SLC25A25: variants seen among roughly 807,000 people sequenced by gnomAD.
SLC25A25 encodes solute carrier family 25 member 25, also known as mitochondrial adenyl nucleotide antiporter SLC25A25.
A neutral mutation model predicts 57.7 loss-of-function variants in SLC25A25; 32 were observed. That is an observed-to-expected ratio of 0.55 (90% confidence interval 0.42 to 0.74). SLC25A25 has a LOEUF of 0.74. SLC25A25 is among the 30% of genes least tolerant of loss of function. The pLI is 0.00. For missense variants in SLC25A25, 556 were observed against 701.3 expected (o/e 0.79, Z 2.34); for synonymous variants, 306 against 291.2 (o/e 1.05, Z -0.52).
chr9:128,069,010 T>C (rs1041655490), intron 1 of SLC25A25, among the ~76,000 whole-genome samples: 1 of 152,078 alleles, frequency 6.6e-6, no homozygotes, highest in Non-Finnish European at 1.5e-5. Context: ...ATCTGGTTCC[T>C]CTCAGGAACA....
In SLC25A25 at chr9:128,107,351, G is replaced by A. The variant is rs1403926913; in HGVS notation, c.1455G>A (p.Leu485=). The change falls in exon 11 of 11, where the codon CTG becomes CTA. Residue 485 remains leucine, a synonymous_variant. Coordinates refer to ENST00000373069, the MANE Select transcript of SLC25A25 (RefSeq NM_001330988.2). ...GGGCCTTCGGGCTGTACAGGGGGCT[G>A]GCCCCCAACTTCATGAAGGTCATCC... The part of the protein sequence containing the change: ...TEGAFGLYRG[L]APNFMKVIPA... The A allele has an allele frequency of 2.0e-6, 3 of 1,518,580 alleles. No homozygotes were observed. The highest frequency in any genetic ancestry group is 2.6e-5 in the South Asian group (2 of 76,004). 94.1% of individuals were successfully genotyped at this position (1,518,580 alleles called of 1,614,324 possible). A position where few individuals can be genotyped will look rare whatever the true frequency, so the allele number is the denominator to read the frequency against.
intron 1 of SLC25A25, among the ~76,000 whole-genome samples, chr9:128,088,009 T>C (rs1442213851): frequency 6.6e-6 from 1 of 152,234 alleles, no homozygotes; most frequent in African/African-American, 2.4e-5. Context: ...GCTCAGTCTT[T>C]ATTGATTTCT....
chr9:128,068,502 G>A lies in SLC25A25; in HGVS notation c.183G>A (p.Arg61=), dbSNP rs1832830963. 1.3e-6 allele frequency: 2 copies of A among 1,510,058 alleles called. No individual in the cohort carries two copies. The highest frequency in any genetic ancestry group is 1.8e-6 in the Non-Finnish European group (2 of 1,134,988). The allele number at this position is 1,510,058 out of a possible 1,614,324, so 93.5% of individuals were successfully genotyped here. A position where few individuals can be genotyped will look rare whatever the true frequency, so the allele number is the denominator to read the frequency against. ...TCTTTCAGACGCTCGACGTCAACCG[G>A]GACGGCGGCCTGTGTGTCAACGACC... ...WRLFQTLDVN[R]DGGLCVNDLA... Residue 61 remains arginine, a synonymous_variant, in exon 1 of 11, where the codon CGG becomes CGA. Coordinates refer to ENST00000373069, the MANE Select transcript of SLC25A25 (RefSeq NM_001330988.2).
rs573142600 is a variant in SLC25A25 at position 128,102,059 on chromosome 9, C to T, written c.477-21C>T. On this transcript the variant is annotated intron_variant, in intron 3 of 10. Transcript: ENST00000373069. The surrounding 1 kb of genome is among the most constrained non-coding windows in gnomAD (Gnocchi z 4.1). Reference sequence around the variant, plus strand: ...CGTGTTGTTTCTGCTCTCTCCTCCGCATCCTTTGTCTGTCTGTCAGAATAC... The same window carrying T: ...CGTGTTGTTTCTGCTCTCTCCTCCGTATCCTTTGTCTGTCTGTCAGAATAC... 6.4e-7 allele frequency: 1 copy of T among 1,550,616 alleles called. No homozygotes were observed. Among genetic ancestry groups the T allele is most frequent in the Non-Finnish European group, 8.7e-7 (1 of 1,146,982 alleles).
chr9:128,072,794 T>G (rs1289289960), intron 1 of SLC25A25, among the ~76,000 whole-genome samples: 1 of 152,246 alleles, frequency 6.6e-6, no homozygotes, highest in Non-Finnish European at 1.5e-5. Context: ...AATTATAGAT[T>G]GCCTATTTAA....
chr9:128,102,504 C>A lies in SLC25A25; in HGVS notation c.624+23C>A. On this transcript the variant is annotated intron_variant, in intron 5 of 10. Transcript: ENST00000373069. The surrounding 1 kb of genome is among the most constrained non-coding windows in gnomAD (Gnocchi z 4.1). Reference sequence around the variant, plus strand: ...ACGGTGAGCCCCACGTGCCCAGGGCCCTCATCTGCTCCCAGGGACCCTTAG... The same window carrying A: ...ACGGTGAGCCCCACGTGCCCAGGGCACTCATCTGCTCCCAGGGACCCTTAG... The A allele has an allele frequency of 6.3e-7, 1 of 1,586,996 alleles. No homozygotes were observed. Among genetic ancestry groups the A allele is most frequent in the Non-Finnish European group, 8.6e-7 (1 of 1,157,190 alleles).
intron 6 of SLC25A25, among the ~76,000 whole-genome samples, chr9:128,104,773 A>G (rs1203814802): frequency 6.6e-6 from 1 of 152,020 alleles, no homozygotes; most frequent in Non-Finnish European, 1.5e-5. Flanking sequence ...GTGGGCATTC[A>G]TTCTATTTTT....
At chr9:128,090,319 T>C (rs1455995424) in intron 1 of SLC25A25, among the ~76,000 whole-genome samples, 3 of 152,042 alleles carry the variant, frequency 2.0e-5, no homozygotes, top group Non-Finnish European at 4.4e-5. Flanking sequence ...TTCAAGTGAT[T>C]CTCCTGCCTC....
chr9:128,086,817 C>T (rs1288086541), intron 1 of SLC25A25, among the ~76,000 whole-genome samples: 2 of 152,182 alleles, frequency 1.3e-5, no homozygotes, highest in African/African-American at 4.8e-5. Context: ...TTTCTATCCT[C>T]CCAGCCTTTG....
rs1432752603 is a variant in SLC25A25 at position 128,103,380 on chromosome 9, C to G, written c.625-301C>G. On this transcript the variant is annotated intron_variant, in intron 5 of 10. Coordinates refer to ENST00000373069, the MANE Select transcript of SLC25A25 (RefSeq NM_001330988.2). This position sits in a 1 kb window ranked among gnomAD's most constrained non-coding sequence, Gnocchi z 6.7. ...ATCTCACACAGGCCTGTGAGCTGTT[C>G]TTGCAGTAGCTCCCTGGCAGCATTG... is the stretch of plus-strand genomic sequence containing the variant. 1.3e-5 allele frequency among the ~76,000 whole-genome samples: 2 copies of G among 152,262 alleles called. No homozygotes were observed. Among genetic ancestry groups the G allele is most frequent in the African/African-American group, 4.8e-5 (2 of 41,470 alleles).
chr9:128,074,472 G>A (rs1004418908), intron 1 of SLC25A25, among the ~76,000 whole-genome samples: 3 of 151,954 alleles, frequency 2.0e-5, no homozygotes, highest in African/African-American at 4.8e-5. Context: ...ACTTTGGGAG[G>A]TCGAGGCAGG....
intron 1 of SLC25A25, among the ~76,000 whole-genome samples, chr9:128,093,121 T>G (rs575251225): frequency 6.6e-6 from 1 of 152,298 alleles, no homozygotes; most frequent in Admixed American, 6.5e-5. Flanking sequence ...AAAAGCTCAT[T>G]TTGCCTTTGC....
chr9:128,095,184 C>T lies in SLC25A25; in HGVS notation c.262-5912C>T, dbSNP rs1833523246. Among the ~76,000 whole-genome samples, 1 of 152,236 alleles carries T rather than the reference C, an allele frequency of 6.6e-6. No homozygotes were observed. The highest frequency in any genetic ancestry group is 2.4e-5 in the African/African-American group (1 of 41,464). On this transcript the variant is annotated intron_variant, in intron 1 of 10. Transcript: ENST00000373069. This position sits in a 1 kb window ranked among gnomAD's most constrained non-coding sequence, Gnocchi z 4.4. ...CTCAACTTGCTCAAGTTACACCTTT[C>T]CCACACACCTGCCGCCTTCCAGTAT...
intron 9 of SLC25A25, 142 bp downstream of exon 9, chr9:128,106,662 T>G (rs1471371566): frequency 9.0e-7 from 1 of 1,117,178 alleles, no homozygotes; most frequent in East Asian, 2.6e-5. Context: ...TTACTGCAGC[T>G]TTCCTTCACC....
At chr9:128,098,651 G>A (rs1833649046) in intron 1 of SLC25A25, 7 of 1,614,098 alleles carry the variant, frequency 4.3e-6, no homozygotes, top group Admixed American at 1.7e-5. Context: ...GCTCCCTGCC[G>A]AGCTGAAGTC....
chr9:128,106,825 T>C (rs984975526), intron 9 of SLC25A25, among the ~76,000 whole-genome samples: 3 of 152,188 alleles, frequency 2.0e-5, no homozygotes, highest in Non-Finnish European at 2.9e-5. Context: ...AAGTCAGCCC[T>C]TCTGTGTGGG....
chr9:128,096,103 CA>C (rs1420146421), intron 1 of SLC25A25, among the ~76,000 whole-genome samples: 3 of 149,088 alleles, frequency 2.0e-5, no homozygotes, highest in Non-Finnish European at 4.5e-5. Context: ...AAAGGAAGAC[CA>C]GCATTTTTTT....
intron 1 of SLC25A25, among the ~76,000 whole-genome samples, chr9:128,083,924 GTTC>G (rs1193777136): frequency 6.6e-6 from 1 of 152,154 alleles, no homozygotes; most frequent in Non-Finnish European, 1.5e-5. Flanking sequence ...TTTCTGCGTT[GTTC>G]TTCTAAGACT....
chr9:128,094,714 A>G (rs536828929), intron 1 of SLC25A25, among the ~76,000 whole-genome samples: 1 of 152,332 alleles, frequency 6.6e-6, no homozygotes, highest in African/African-American at 2.4e-5. Context: ...TATTCATGGT[A>G]TTCCGGCCTT....
Sources: gnomAD v4.1 joint callset for allele counts (sites outside exome capture counted in the v4.1 genomes callset) on GRCh38, gnomAD v4.1.1 for gene constraint, Gnocchi (gnomAD v3.1) non-coding constraint, MANE v1.5 for transcripts, NCBI Gene and HGNC (gene_info 2026-07-23, HGNC 2026-07-21) for gene names.